RGL1: variants seen among roughly 807,000 people sequenced by gnomAD.
RGL1 encodes the protein ral guanine nucleotide dissociation stimulator like 1, also known as ral guanine nucleotide dissociation stimulator-like 1.
RGL1 carries 24 observed loss-of-function variants against 95.2 expected under a neutral mutation model. The ratio of observed to expected loss-of-function variants is 0.25; its 90% CI spans 0.18 to 0.35. The LOEUF is 0.35. Ranked by LOEUF, RGL1 falls within the 10% of genes least tolerant of loss-of-function variation. The pLI is 1.00. For synonymous variants in RGL1, 329 were observed against 344.9 expected, an observed-to-expected ratio of 0.95 and a Z score of 0.51; for missense variants, 715 against 936.3, an observed-to-expected ratio of 0.76 and a Z score of 3.08.
At chr1:183,708,833 G>T (rs1655080958) in intron 1 of RGL1, among the ~76,000 whole-genome samples, 1 of 152,236 alleles carries the variant, frequency 6.6e-6, no homozygotes, top group Non-Finnish European at 1.5e-5. Flanking sequence ...TTGTCCGGTT[G>T]CTGTGGACTA....
At chr1:183,924,168 A>G (rs945489447) in intron 17 of RGL1, among the ~76,000 whole-genome samples, 1 of 79,534 alleles carries the variant, frequency 1.3e-5, no homozygotes, top group Non-Finnish European at 2.8e-5. Context: ...ACATGCACAC[A>G]TATGTTTATT....
chr1:183,780,581 A>T (rs1007152653), intron 2 of RGL1, among the ~76,000 whole-genome samples: 2 of 152,188 alleles, frequency 1.3e-5, no homozygotes, highest in African/African-American at 4.8e-5. Context: ...TGGGATTACC[A>T]TCAGGTAGGA....
intron 1 of RGL1, among the ~76,000 whole-genome samples, chr1:183,669,428 C>T (rs1334396756): frequency 6.6e-6 from 1 of 151,874 alleles, no homozygotes; most frequent in African/African-American, 2.4e-5. Context: ...CCATTAAAGT[C>T]CTTAGCATAG....
At chr1:183,794,190 GA>G (rs1162448813) in intron 2 of RGL1, among the ~76,000 whole-genome samples, 2 of 152,100 alleles carry the variant, frequency 1.3e-5, no homozygotes, top group African/African-American at 4.8e-5. Flanking sequence ...GCCAGGCACA[GA>G]AAGACAAATA....
chr1:183,806,348 T>G, intron 1 of RGL1, 27 bp from the exon 2 acceptor site: 1 of 1,582,704 alleles, frequency 6.3e-7, no homozygotes, highest in Non-Finnish European at 8.7e-7. Flanking sequence ...ATACTCTTTT[T>G]CTTTCTCTTT....
intron 2 of RGL1, among the ~76,000 whole-genome samples, chr1:183,841,874 A>G (rs577114480): frequency 6.0e-4 from 91 of 152,294 alleles, no homozygotes; most frequent in African/African-American, 2.1e-3. Flanking sequence ...TCCAACATCC[A>G]TGCTTATTGC....
chr1:183,674,447 G>T (rs780192080), intron 1 of RGL1, among the ~76,000 whole-genome samples: 2 of 152,100 alleles, frequency 1.3e-5, no homozygotes, highest in African/African-American at 2.4e-5. Flanking sequence ...AACCAGCTGT[G>T]ACTGGATTGT....
At chr1:183,760,001 C>T (rs933266331) in intron 2 of RGL1, among the ~76,000 whole-genome samples, 2 of 152,106 alleles carry the variant, frequency 1.3e-5, no homozygotes, top group African/African-American at 4.8e-5. Flanking sequence ...ACACATACCT[C>T]GTGGATACCT....
At chr1:183,786,493 G>T (rs562161542) in intron 2 of RGL1, among the ~76,000 whole-genome samples, 1 of 152,180 alleles carries the variant, frequency 6.6e-6, no homozygotes, top group South Asian at 2.1e-4. Flanking sequence ...CATTATACCA[G>T]TTGAACATCC....
chr1:183,736,312 T>C (rs1656935900), intron 1 of RGL1, among the ~76,000 whole-genome samples: 2 of 152,228 alleles, frequency 1.3e-5, no homozygotes, highest in South Asian at 2.1e-4. Context: ...AGTTTTGCTT[T>C]CTACATTTGA....
At chr1:183,702,580 G>A (rs998311183) in intron 1 of RGL1, among the ~76,000 whole-genome samples, 1 of 152,142 alleles carries the variant, frequency 6.6e-6, no homozygotes, top group Non-Finnish European at 1.5e-5. Context: ...GTAAGGTTGG[G>A]CTGAGGCATT....
At chr1:183,739,707 G>A (rs979608498) in intron 1 of RGL1, among the ~76,000 whole-genome samples, 3 of 152,186 alleles carry the variant, frequency 2.0e-5, no homozygotes, top group Non-Finnish European at 2.9e-5. Context: ...GTAAGAACTG[G>A]CTGCCTCTCT....
At chr1:183,840,490 C>T (rs1457659393) in intron 2 of RGL1, among the ~76,000 whole-genome samples, 2 of 152,012 alleles carry the variant, frequency 1.3e-5, no homozygotes, top group East Asian at 1.9e-4. Flanking sequence ...TTTGGGATAG[C>T]GTTTTCATGA....
At chr1:183,731,875 A>T (rs182459579) in intron 1 of RGL1, among the ~76,000 whole-genome samples, 147 of 152,206 alleles carry the variant, frequency 9.7e-4, no homozygotes, top group African/African-American at 3.4e-3. Flanking sequence ...TTCTTCTCAT[A>T]CGATTGTAGA....
intron 1 of RGL1, among the ~76,000 whole-genome samples, chr1:183,641,524 G>T (rs1252352691): frequency 1.3e-5 from 2 of 151,992 alleles, no homozygotes; most frequent in Admixed American, 1.3e-4. Flanking sequence ...TCCCTCCTTG[G>T]TCTCCCACAT....
chr1:183,890,538 C>A (rs191642016), intron 8 of RGL1, among the ~76,000 whole-genome samples: 24 of 152,306 alleles, frequency 1.6e-4, no homozygotes, highest in South Asian at 6.2e-4. Context: ...TCTATATCAG[C>A]TTTACATGTT....
At chr1:183,717,976 G>A (rs1394800381) in intron 1 of RGL1, among the ~76,000 whole-genome samples, 3 of 152,188 alleles carry the variant, frequency 2.0e-5, no homozygotes, top group Non-Finnish European at 4.4e-5. Context: ...GCTGGGTGCG[G>A]TGGCTCACGC....
intron 1 of RGL1, among the ~76,000 whole-genome samples, chr1:183,736,375 G>T (rs1656941282): frequency 6.6e-6 from 1 of 152,158 alleles, no homozygotes; most frequent in Admixed American, 6.6e-5. Flanking sequence ...CAGTCTTGTA[G>T]CCTATTCATA....
intron 4 of RGL1, among the ~76,000 whole-genome samples, chr1:183,870,390 G>A (rs1373293639): frequency 4.0e-4 from 46 of 114,658 alleles, no homozygotes; most frequent in African/African-American, 1.5e-3. Flanking sequence ...GGTGTCTTCC[G>A]GCCAGGGTAG....
Sources: allele counts gnomAD v4.1 joint callset (sites outside exome capture counted in the v4.1 genomes callset), GRCh38; gene constraint gnomAD v4.1.1; transcripts MANE v1.5; gene names NCBI Gene and HGNC (gene_info 2026-07-23, HGNC 2026-07-21).